The following DDR2 variants were observed in gnomAD, a reference collection of about 807,000 sequenced individuals.
DDR2 encodes discoidin domain-containing receptor 2.
A neutral mutation model predicts 94.9 loss-of-function variants in DDR2; 27 were observed. The observed-to-expected ratio is 0.28, with a 90% CI of 0.21 to 0.39. The LOEUF (loss-of-function observed/expected upper bound fraction) is 0.39. Among genes scored for constraint, DDR2 ranks in the 10% least tolerant of loss-of-function variants. The probability of loss-of-function intolerance (pLI) is 1.00; values close to 1 mark genes in which losing one functional copy is unlikely to be tolerated. For synonymous variants in DDR2, 382 were observed against 377.2 expected (o/e 1.01, Z -0.15); for missense variants, 783 against 1,076.0 (o/e 0.73, Z 3.81).
Position 162,773,524 on chromosome 1 carries a change from T to G in DDR2, c.1784T>G (p.Leu595Arg). The change falls in exon 14 of 18, where the codon CTA becomes CGA. Residue 595 changes from leucine to arginine, a missense_variant. Around this residue, in one of 2 missense-constraint regions of DDR2, gnomAD observed 264 missense variants for 428.2 expected, o/e 0.62. Coordinates refer to ENST00000367921, the MANE Select transcript of DDR2 (RefSeq NM_006182.4). Reference sequence around the variant, plus strand: ...AAATTCAAAGACAAAGATTTTGCCCTAGATGTCAGTGCCAACCAGCCTGTC... The same window carrying G: ...AAATTCAAAGACAAAGATTTTGCCCGAGATGTCAGTGCCAACCAGCCTGTC... Reference protein sequence around the residue: ...MEKFKDKDFALDVSANQPVLV... With the variant: ...MEKFKDKDFARDVSANQPVLV... 6.2e-7 allele frequency: 1 copy of G among 1,614,130 alleles called. No homozygotes were observed. Among genetic ancestry groups the G allele is most frequent in the Non-Finnish European group, 8.5e-7 (1 of 1,179,974 alleles).
rs1176816284 is a variant in DDR2, at chr1:162,772,103, C to T, written c.1584C>T (p.Asn528=). 2 of 1,614,006 alleles carry T rather than the reference C, an allele frequency of 1.2e-6. No individual in the cohort carries two copies. Among genetic ancestry groups the T allele is most frequent in the South Asian group, 1.1e-5 (1 of 91,064 alleles). Residue 528 remains asparagine (N), a synonymous_variant, in exon 13 of 18, where the codon AAC becomes AAT. Transcript: ENST00000367921. ...VPHYAEADIV[N]LQGVTGGNTY... ...ACTATGCAGAGGCTGACATAGTGAA[C>T]CTCCAAGGAGTGACAGGAGGCAACA...
intron 1 of DDR2, among the ~76,000 whole-genome samples, chr1:162,643,186 C>T (rs555761846): frequency 6.6e-6 from 1 of 152,224 alleles, no homozygotes; most frequent in East Asian, 1.9e-4. Context: ...CTGCCCCTCT[C>T]CTAGATCCAC....
intron 1 of DDR2, among the ~76,000 whole-genome samples, chr1:162,650,176 T>C (rs1029175426): frequency 5.9e-5 from 9 of 152,180 alleles, no homozygotes; most frequent in African/African-American, 1.4e-4. Context: ...AACCCTTCTC[T>C]TGAATGCCAA....
At chr1:162,647,445 A>C (rs534540462) in intron 1 of DDR2, among the ~76,000 whole-genome samples, 1 of 152,274 alleles carries the variant, frequency 6.6e-6, no homozygotes, top group South Asian at 2.1e-4. Context: ...ACCTCACGTG[A>C]GAAAGAGTTC....
intron 2 of DDR2, among the ~76,000 whole-genome samples, chr1:162,690,728 T>C (rs1000355363): frequency 2.0e-5 from 3 of 152,208 alleles, no homozygotes; most frequent in Non-Finnish European, 4.4e-5. Flanking sequence ...AAAAATAAAT[T>C]AAAGCAATTA....
At chr1:162,631,455 C>T (rs1012358910), upstream of DDR2, 3 of 152,148 alleles carry the variant, frequency 2.0e-5, no homozygotes, top group African/African-American at 4.8e-5. Context: ...AAGGTAAGCT[C>T]GGTCTTCTTG....
intron 2 of DDR2, among the ~76,000 whole-genome samples, chr1:162,705,867 T>C (rs969565585): frequency 5.3e-5 from 8 of 152,334 alleles, no homozygotes; most frequent in African/African-American, 1.7e-4. Context: ...GCACACTGCC[T>C]GATACATAAT....
chr1:162,778,459 G>GC, intron 16 of DDR2, 121 bp from the exon 17 acceptor site: 1 of 1,215,534 alleles, frequency 8.2e-7, no homozygotes, highest in Admixed American at 1.7e-5. Context: ...GCACATCTTG[G>GC]CATTTTCAGA....
intron 1 of DDR2, among the ~76,000 whole-genome samples, chr1:162,653,993 T>C (rs189636833): frequency 3.9e-5 from 6 of 152,210 alleles, no homozygotes; most frequent in Non-Finnish European, 8.8e-5. Flanking sequence ...TATATTGTTA[T>C]AGAGAGTTAT....
intron 3 of DDR2, chr1:162,741,763 A>G (rs1202130211): frequency 1.0e-6 from 1 of 985,264 alleles, no homozygotes; most frequent in Non-Finnish European, 1.2e-6. Flanking sequence ...CTAAATGCCA[A>G]TGTGAGCGTT....
chr1:162,691,106 C>T (rs1263764910), intron 2 of DDR2, among the ~76,000 whole-genome samples: 2 of 152,184 alleles, frequency 1.3e-5, no homozygotes, highest in African/African-American at 4.8e-5. Context: ...AAAGGACATG[C>T]CTGGTGCCTG....
At chr1:162,654,190 C>A (rs1321869557) in intron 1 of DDR2, among the ~76,000 whole-genome samples, 2 of 152,154 alleles carry the variant, frequency 1.3e-5, no homozygotes, top group African/African-American at 4.8e-5. Context: ...ATAATCCCAG[C>A]ACTTTGTGAG....
chr1:162,732,855 C>T (rs1221158603), intron 3 of DDR2, among the ~76,000 whole-genome samples: 1 of 152,224 alleles, frequency 6.6e-6, no homozygotes, highest in Non-Finnish European at 1.5e-5. Context: ...AGGCTCTCAG[C>T]CTTGGCAGGA....
chr1:162,690,170 T>G (rs910272968), intron 2 of DDR2, among the ~76,000 whole-genome samples: 1 of 152,122 alleles, frequency 6.6e-6, no homozygotes, highest in African/African-American at 2.4e-5. Context: ...TGTAACTGCT[T>G]TCTGGAAGCA....
rs1244819044 is a variant in DDR2 at position 162,755,161 on chromosome 1, G to T, written c.423G>T (p.Leu141=). ...SWRNRHGKQV[L]DGNSNPYDIF... is the part of the protein sequence containing the mutation. The stretch of plus-strand genomic sequence containing the variant: ...ATTCTCTTCTCTCTCCTCAGGTGCT[G>T]GATGGAAATAGTAACCCCTATGACA... The change falls in exon 6 of 18, where the codon CTG becomes CTT. Residue 141 remains leucine, a synonymous_variant. Transcript: ENST00000367921. The T allele has an allele frequency of 6.2e-7, 1 of 1,613,910 alleles. No homozygotes were observed. The highest frequency in any genetic ancestry group is 1.7e-5 in the Admixed American group (1 of 59,996).
At chr1:162,752,967 T>C (rs963209810) in intron 3 of DDR2, 128 bp from the exon 4 acceptor site, 4 of 781,922 alleles carry the variant, frequency 5.1e-6, no homozygotes, top group African/African-American at 1.7e-5. Flanking sequence ...ACTGGGGCCA[T>C]AGAGGAATTT....
At chr1:162,649,587 T>A (rs1210237525) in intron 1 of DDR2, among the ~76,000 whole-genome samples, 1 of 152,200 alleles carries the variant, frequency 6.6e-6, no homozygotes, top group Non-Finnish European at 1.5e-5. Context: ...CTGCAATTTC[T>A]CTACTCTGCA....
At chr1:162,776,637 C>T (rs903703403) in intron 16 of DDR2, among the ~76,000 whole-genome samples, 2 of 152,110 alleles carry the variant, frequency 1.3e-5, no homozygotes, top group Non-Finnish European at 2.9e-5. Context: ...ATCATTTCTA[C>T]CTAGTGATTG....
intron 3 of DDR2, among the ~76,000 whole-genome samples, chr1:162,746,922 G>A (rs1662899263): frequency 6.6e-6 from 1 of 152,224 alleles, no homozygotes; most frequent in Non-Finnish European, 1.5e-5. Flanking sequence ...GCAGATGAGG[G>A]TCCTGACTGT....
Sources: gnomAD v4.1 joint callset for allele counts (sites outside exome capture counted in the v4.1 genomes callset) on GRCh38, gnomAD v4.1.1 for gene constraint, gnomAD v4.1.1 regional missense constraint, MANE v1.5 for transcripts, NCBI Gene and HGNC (gene_info 2026-07-23, HGNC 2026-07-21) for gene names.